Variants in PRG4 observed in about 807,000 individuals in gnomAD.
PRG4 encodes the protein articular superficial zone protein.
In PRG4, 61 loss-of-function variants were observed where a neutral mutation model predicts 91.2. That is an observed-to-expected ratio of 0.67 (90% CI 0.54 to 0.83). PRG4 has a LOEUF of 0.83. Ranked by LOEUF, PRG4 falls within the 40% of genes least tolerant of loss-of-function variation. PRG4 has a pLI of 0.00. For missense variants in PRG4, 1,564 were observed against 1,714.2 expected, an observed-to-expected ratio of 0.91 and a Z score of 1.55; for synonymous variants, 576 against 614.2, an observed-to-expected ratio of 0.94 and a Z score of 0.92.
chr1:186,308,708 A>G lies in PRG4; in HGVS notation c.2989A>G (p.Ile997Val). The G allele has an allele frequency of 6.2e-7, 1 of 1,613,748 alleles. No individual in the cohort carries two copies. The highest frequency in any genetic ancestry group is 8.5e-7 in the Non-Finnish European group (1 of 1,179,982). Residue 997 changes from isoleucine (I) to valine (V), a missense_variant, in exon 7 of 13, where the codon ATT becomes GTT. By Grantham distance (29) the Ile-to-Val change is conservative (BLOSUM62 3). This residue lies in a region of PRG4 where 1,079 missense variants were observed against 1,162.2 expected (regional missense o/e 0.93). Coordinates refer to ENST00000445192, the MANE Select transcript of PRG4 (RefSeq NM_005807.6). Reference sequence around the variant, plus strand: ...AAAAAAGACAATTACTACCACTGAGATTATGAACAAACCTGAAGAAACAGC... The same window carrying G: ...AAAAAAGACAATTACTACCACTGAGGTTATGAACAAACCTGAAGAAACAGC... The part of the protein sequence containing the change: ...TTKKTITTTE[I>V]MNKPEETAKP...
chr1:186,305,430 T>C (rs1438598914), intron 6 of PRG4, among the ~76,000 whole-genome samples: 7 of 152,240 alleles, frequency 4.6e-5, no homozygotes, highest in African/African-American at 1.7e-4. Context: ...TGGCTGACTT[T>C]TCCTCTAGTA....
In PRG4 at chr1:186,314,276, T is replaced by A. The variant is rs1657503657; in HGVS notation, c.*498T>A. On this transcript the variant is annotated 3_prime_UTR_variant, in exon 13 of 13. Transcript: ENST00000445192. ...TACACTTTTACTAGCTAAAACATAA[T>A]CACAAAGCTTTATCGTGTTGTATAA... 2.2e-6 allele frequency: 1 copy of A among 452,556 alleles called. No homozygotes were observed. The highest frequency in any genetic ancestry group is 3.9e-5 in the Admixed American group (1 of 25,426). The allele number at this position is 452,556 out of a possible 1,614,324, so 28.0% of individuals were successfully genotyped here.
intron 1 of PRG4, 59 bp from the exon 2 acceptor site, chr1:186,296,787 A>C: frequency 1.1e-6 from 1 of 882,340 alleles, no homozygotes; most frequent in Non-Finnish European, 1.9e-6. Context: ...GTATAATGCA[A>C]GCCTAAGTTA....
rs1281322718 is a variant in PRG4 at position 186,308,158 on chromosome 1, C to T, written c.2439C>T (p.Thr813=). ...CCACCACCAAGGGGCCCACATCCAC[C>T]ACCTCTGACAAGCCTGCTCCAACTA... ...APTTTKGPTS[T]TSDKPAPTTP... The change falls in exon 7 of 13, where the codon ACC becomes ACT. Residue 813 remains threonine (T), a synonymous_variant. Coordinates refer to ENST00000445192, the MANE Select transcript of PRG4 (RefSeq NM_005807.6). 3 of 1,608,936 alleles carry T rather than the reference C, an allele frequency of 1.9e-6. No individual in the cohort carries two copies. Among genetic ancestry groups the T allele is most frequent in the African/African-American group, 2.7e-5 (2 of 74,146 alleles).
chr1:186,313,391 C>T (rs2102042418), intron 12 of PRG4: 2 of 369,616 alleles, frequency 5.4e-6, no homozygotes, highest in African/African-American at 2.1e-5. Context: ...AGGAATAACC[C>T]CAAGTAAATT....
intron 4 of PRG4, 84 bp downstream of exon 4, chr1:186,301,795 G>T: frequency 6.6e-7 from 1 of 1,509,274 alleles, no homozygotes; most frequent in Non-Finnish European, 9.2e-7. Context: ...TGTCTAACAC[G>T]CAGTCCATCT....
rs1656435025 is a variant in PRG4, at chr1:186,304,724, G to A, written c.470-70G>A. The A allele has an allele frequency of 3.5e-5, 54 of 1,543,668 alleles. No homozygotes were observed. In the South Asian group the frequency reaches 5.2e-4, roughly 15 times the overall value. On this transcript the variant is annotated intron_variant, in intron 5 of 12. Coordinates refer to ENST00000445192, the MANE Select transcript of PRG4 (RefSeq NM_005807.6). ...ACTAGTAAATAGCACTTCTTGCTGT[G>A]TTTAGACTGGTGGTTCTTTTTTGTT...
intron 6 of PRG4, among the ~76,000 whole-genome samples, chr1:186,305,676 A>G (rs541580684): frequency 3.9e-5 from 6 of 152,290 alleles, no homozygotes; most frequent in Admixed American, 3.3e-4. Flanking sequence ...GCAGGAAGCC[A>G]CCCTTGGGCT....
intron 12 of PRG4, 189 bp downstream of exon 12, chr1:186,313,083 A>G (rs1412727020): frequency 1.6e-6 from 1 of 614,244 alleles, no homozygotes; most frequent in Non-Finnish European, 2.9e-6. Flanking sequence ...CTGCAATTCA[A>G]TTCTGCTCTA....
chr1:186,300,203 C>A lies in PRG4; in HGVS notation c.189C>A (p.Val63=). ...YMECCPDFKR[V]CTAELSCKGR... ...AGTGCTGCCCTGATTTCAAGAGAGT[C>A]TGCACTGCGGGTAAGTCCTGAGAGC... The change falls in exon 3 of 13, where the codon GTC becomes GTA. Residue 63 remains valine, a synonymous_variant. Coordinates refer to ENST00000445192, the MANE Select transcript of PRG4 (RefSeq NM_005807.6). The A allele has an allele frequency of 6.2e-7, 1 of 1,614,106 alleles. No individual in the cohort carries two copies. The highest frequency in any genetic ancestry group is 1.1e-5 in the South Asian group (1 of 91,064).
Position 186,301,717 on chromosome 1 carries a change from C to T in PRG4, c.319+6C>T. On this transcript the variant is annotated splice_donor_region_variant and intron_variant, in intron 4 of 12. Coordinates refer to ENST00000445192, the MANE Select transcript of PRG4 (RefSeq NM_005807.6). ...TGAGAGTTTCTGTGCAGAAGGTAAGCATCACAGTACCAACCAATGCTTCTC... is the reference window on the plus strand; with the variant it reads ...TGAGAGTTTCTGTGCAGAAGGTAAGTATCACAGTACCAACCAATGCTTCTC... The T allele has an allele frequency of 6.2e-7, 1 of 1,613,264 alleles. No individual in the cohort carries two copies. Among genetic ancestry groups the T allele is most frequent in the Admixed American group, 1.7e-5 (1 of 60,010 alleles).
In PRG4 at chr1:186,309,222, A is replaced by C. The variant is rs1656990789; in HGVS notation, c.3421+82A>C. 1.4e-5 allele frequency: 19 copies of C among 1,356,252 alleles called. No homozygotes were observed. In the South Asian group the frequency reaches 2.3e-4, roughly 16 times the overall value. The allele number at this position is 1,356,252 out of a possible 1,614,324, so 84.0% of individuals were successfully genotyped here. On this transcript the variant is annotated intron_variant, in intron 7 of 12. Transcript: ENST00000445192. ...CTGAACCAGAATGCCTTAGTTTAGT[A>C]TCACTCAACTGAGATATATTACCTG... is the stretch of plus-strand genomic sequence containing the variant.
In PRG4 at chr1:186,309,886, A is replaced by G. The variant is rs770856525; in HGVS notation, c.3499+16A>G. The G allele has an allele frequency of 3.8e-5, 61 of 1,604,084 alleles. No individual in the cohort carries two copies. The highest frequency in any genetic ancestry group is 7.7e-6 in the Non-Finnish European group (9 of 1,171,128). On this transcript the variant is annotated intron_variant, in intron 8 of 12. Coordinates refer to ENST00000445192, the MANE Select transcript of PRG4 (RefSeq NM_005807.6). Reference sequence around the variant, plus strand: ...GCATTCCGAGGTGAGCTATGTACACATTTATTTTTCTTCTCATCATTCTGT... The same window carrying G: ...GCATTCCGAGGTGAGCTATGTACACGTTTATTTTTCTTCTCATCATTCTGT...
In PRG4 at chr1:186,305,240, T is replaced by A. The variant is rs551725697; in HGVS notation, c.598+318T>A. Among the ~76,000 whole-genome samples the A allele has an allele frequency of 7.9e-4, 120 of 152,308 alleles. 1 individual carries two copies. Among genetic ancestry groups the A allele is most frequent in the African/African-American group, 2.6e-3 (110 of 41,556 alleles). On this transcript the variant is annotated intron_variant, in intron 6 of 12. Coordinates refer to ENST00000445192, the MANE Select transcript of PRG4 (RefSeq NM_005807.6). ...TTGACATCATTTTGCTTCTTCTCCT[T>A]CATCTTCCTTGCATTTTCATTTTCC...
chr1:186,300,057 TGG>T, intron 2 of PRG4, 32 bp from the exon 3 acceptor site: 1 of 1,612,366 alleles, frequency 6.2e-7, no homozygotes. Context: ...TAAAGTGGTT[TGG>T]CCATATTTAC....
chr1:186,298,129 C>T (rs1655972877), intron 2 of PRG4, among the ~76,000 whole-genome samples: 2 of 152,068 alleles, frequency 1.3e-5, no homozygotes, highest in Admixed American at 1.3e-4. Flanking sequence ...ACCTGTAATC[C>T]CAGCATTCTG....
chr1:186,304,951 G>A (rs1185076689), intron 6 of PRG4, 29 bp downstream of exon 6: 3 of 1,603,228 alleles, frequency 1.9e-6, no homozygotes. Context: ...ATCAAAGACT[G>A]TATCAATGCC....
chr1:186,310,770 G>A (rs1657155018), intron 8 of PRG4, among the ~76,000 whole-genome samples: 1 of 151,106 alleles, frequency 6.6e-6, no homozygotes, highest in Non-Finnish European at 1.5e-5. Context: ...CCAAAGTGCT[G>A]GATTACAGGT....
In PRG4 at chr1:186,314,258, T is replaced by C. The variant is rs781603642; in HGVS notation, c.*480T>C. On this transcript the variant is annotated 3_prime_UTR_variant, in exon 13 of 13. Transcript: ENST00000445192. ...ATGGAAATATTAAAATTTTACACTT[T>C]TACTAGCTAAAACATAATCACAAAG... 6.6e-5 allele frequency: 31 copies of C among 470,948 alleles called. No individual in the cohort carries two copies. Among genetic ancestry groups the C allele is most frequent in the Non-Finnish European group, 1.0e-4 (28 of 268,964 alleles). The allele number at this position is 470,948 out of a possible 1,614,324, so 29.2% of individuals were successfully genotyped here.
Sources: allele counts gnomAD v4.1 joint callset (sites outside exome capture counted in the v4.1 genomes callset), GRCh38; gene constraint gnomAD v4.1.1; regional missense constraint gnomAD v4.1.1; transcripts MANE v1.5; gene names NCBI Gene and HGNC (gene_info 2026-07-23, HGNC 2026-07-21).